ANKRD26: variants seen among roughly 807,000 people sequenced by gnomAD.
The protein encoded by ANKRD26 is ankyrin repeat domain-containing protein 26.
In ANKRD26, 141 loss-of-function variants were observed where a neutral mutation model predicts 208.7. The ratio of observed to expected loss-of-function variants is 0.68; its 90% CI spans 0.59 to 0.78. ANKRD26 has a LOEUF of 0.78. ANKRD26 is among the 30% of genes least tolerant of loss of function. ANKRD26 has a pLI of 0.00. For missense variants in ANKRD26, 1,889 were observed against 1,938.7 expected, an observed-to-expected ratio of 0.97 and a Z score of 0.48; for synonymous variants, 636 against 660.4, an observed-to-expected ratio of 0.96 and a Z score of 0.57.
At chr10:27,016,670 G>A (rs1403889819) in intron 30 of ANKRD26, among the ~76,000 whole-genome samples, 2 of 152,002 alleles carry the variant, frequency 1.3e-5, no homozygotes, top group Non-Finnish European at 2.9e-5. Context: ...CTGCAAAAGG[G>A]CAAGAGAGAA....
At chr10:27,047,236 G>A (rs181316874) in intron 17 of ANKRD26, among the ~76,000 whole-genome samples, 18 of 152,260 alleles carry the variant, frequency 1.2e-4, no homozygotes, top group Admixed American at 6.5e-4. Flanking sequence ...AAAATATCCT[G>A]GGTGGGGGAA....
At chr10:27,080,026 G>A in intron 6 of ANKRD26, 1 of 396,442 alleles carries the variant, frequency 2.5e-6, no homozygotes, top group Non-Finnish European at 5.0e-6. Context: ...GTGTGGTGGT[G>A]TGTACCTGTG....
intron 29 of ANKRD26, among the ~76,000 whole-genome samples, chr10:27,019,367 G>T (rs2053412442): frequency 6.6e-6 from 1 of 152,092 alleles, no homozygotes; most frequent in African/African-American, 2.4e-5. Flanking sequence ...ATAATTAATA[G>T]AGTGAAGAGA....
chr10:27,100,444 G>T lies in ANKRD26; in HGVS notation c.-118C>A, dbSNP rs1589393759. ...CGCAGCCTCCCAAAGGAAACTCCGCGGTTTCCAATCTCTCCCTCCGGGTTA... is the reference window on the plus strand; with the variant it reads ...CGCAGCCTCCCAAAGGAAACTCCGCTGTTTCCAATCTCTCCCTCCGGGTTA... On this transcript the variant is annotated 5_prime_UTR_variant, in exon 1 of 34. Transcript: ENST00000376087. The T allele has an allele frequency of 6.9e-7, 1 of 1,447,256 alleles. No homozygotes were observed. Among genetic ancestry groups the T allele is most frequent in the East Asian group, 2.3e-5 (1 of 42,936 alleles). 89.7% of individuals were successfully genotyped at this position (1,447,256 alleles called of 1,614,324 possible). A position where few individuals can be genotyped will look rare whatever the true frequency, so the allele number is the denominator to read the frequency against.
chr10:26,975,779 T>G (rs2052217713), exon 6 of ANKRD26, among the ~76,000 whole-genome samples: 1 of 151,832 alleles, frequency 6.6e-6, no homozygotes, highest in African/African-American at 2.4e-5. Flanking sequence ...GAGGCAGAGG[T>G]TGCAGTGAGC....
At chr10:26,981,889 G>A (rs1411194840) in intron 4 of ANKRD26, among the ~76,000 whole-genome samples, 1 of 152,104 alleles carries the variant, frequency 6.6e-6, no homozygotes, top group Admixed American at 6.6e-5. Context: ...GGCTCAAGGC[G>A]CAGGAGGGGC....
chr10:27,086,472 C>T (rs911950402), intron 5 of ANKRD26, 67 bp downstream of exon 5: 2 of 1,579,228 alleles, frequency 1.3e-6, no homozygotes, highest in Admixed American at 1.7e-5. Flanking sequence ...GTGATCAACA[C>T]TTCCTTACTT....
intron 25 of ANKRD26, among the ~76,000 whole-genome samples, chr10:27,032,062 G>C (rs1484439369): frequency 6.6e-6 from 1 of 152,088 alleles, no homozygotes; most frequent in Non-Finnish European, 1.5e-5. Flanking sequence ...CATGACAATA[G>C]AAAAATCACT....
At chr10:27,024,009 A>ACACACACACACACACACACACAC (rs1554775241) in intron 28 of ANKRD26, among the ~76,000 whole-genome samples, 2 of 44,982 alleles carry the variant, frequency 4.4e-5, no homozygotes, top group Non-Finnish European at 1.4e-4. Context: ...CACACACACA[A>ACACACACACACACACACACACAC]AGAGGCAGAA....
downstream of ANKRD26, among the ~76,000 whole-genome samples, chr10:27,000,878 G>A (rs547307613): frequency 2.6e-5 from 4 of 152,044 alleles, no homozygotes; most frequent in African/African-American, 4.8e-5. Flanking sequence ...GCATGGTGGC[G>A]GCACCTGTAA....
At chr10:26,974,071 TCTA>T (rs1347964279) in exon 6 of ANKRD26, among the ~76,000 whole-genome samples, 1 of 152,148 alleles carries the variant, frequency 6.6e-6, no homozygotes, top group African/African-American at 2.4e-5. Flanking sequence ...CATACTCTAT[TCTA>T]CTCTTTTAGC....
chr10:26,953,096 C>A, the ANKRD26 span, among the ~76,000 whole-genome samples: 1 of 152,100 alleles, frequency 6.6e-6, no homozygotes, highest in Non-Finnish European at 1.5e-5. Flanking sequence ...ATAATATCTA[C>A]AATAAGACCA....
chr10:27,052,184 A>C (rs964535895), intron 16 of ANKRD26: 2 of 974,722 alleles, frequency 2.1e-6, no homozygotes, highest in African/African-American at 3.5e-5. Flanking sequence ...ATTAGGAAAT[A>C]ATTAAAATTC....
At chr10:27,031,838 A>G (rs2053873311) in intron 25 of ANKRD26, among the ~76,000 whole-genome samples, 1 of 152,182 alleles carries the variant, frequency 6.6e-6, no homozygotes, top group Admixed American at 6.5e-5. Context: ...ATGAAAGGAA[A>G]ATGAAGGAAA....
rs572265092 is a variant in ANKRD26, at chr10:27,037,400, C to CA, written c.2560-78dup. 36 of 1,486,628 alleles carry CA rather than the reference C, an allele frequency of 2.4e-5. No individual in the cohort carries two copies. The African/African-American group carries it at 4.5e-4, about 19-fold the overall frequency. 92.1% of individuals were successfully genotyped at this position (1,486,628 alleles called of 1,614,324 possible). On this transcript the variant is annotated intron_variant, in intron 22 of 33. Transcript: ENST00000376087. ...GGTTAACAAGAGCAGAATTTTAAAA[C>CA]AAAAAACTTATAAAAAGGAAATAGC...
chr10:27,057,935 CAAAAAAAAA>C (rs76921203), intron 15 of ANKRD26, among the ~76,000 whole-genome samples: 1 of 83,894 alleles, frequency 1.2e-5, no homozygotes, highest in East Asian at 3.5e-4. Flanking sequence ...GACTCCATCT[CAAAAAAAAA>C]AAAAAAGAAA....
chr10:27,058,840 T>C (rs1222589997), intron 15 of ANKRD26, among the ~76,000 whole-genome samples: 1 of 151,996 alleles, frequency 6.6e-6, no homozygotes, highest in East Asian at 1.9e-4. Flanking sequence ...CCTCCCAAAG[T>C]GCAAGGATTA....
At chr10:27,094,914 C>T (rs372115164) in intron 1 of ANKRD26, among the ~76,000 whole-genome samples, 3 of 151,704 alleles carry the variant, frequency 2.0e-5, no homozygotes, top group Admixed American at 6.6e-5. Flanking sequence ...GCCAAAGAAT[C>T]GCTTGAGCCC....
At chr10:26,993,669 A>G (rs1419422918) in intron 5 of ANKRD26, among the ~76,000 whole-genome samples, 1 of 152,166 alleles carries the variant, frequency 6.6e-6, no homozygotes, top group Non-Finnish European at 1.5e-5. Context: ...TGTATTTTCA[A>G]TGGGCTAATT....
Sources: gnomAD v4.1 joint callset for allele counts (sites outside exome capture counted in the v4.1 genomes callset) on GRCh38, gnomAD v4.1.1 for gene constraint, MANE v1.5 for transcripts, NCBI Gene and HGNC (gene_info 2026-07-23, HGNC 2026-07-21) for gene names.